PCCA: variants seen among roughly 807,000 people sequenced by gnomAD.
PCCA encodes propionyl-CoA carboxylase alpha chain, mitochondrial.
PCCA carries 74 observed loss-of-function variants against 101.3 expected under a neutral mutation model. The ratio of observed to expected loss-of-function variants is 0.73; its 90% confidence interval spans 0.61 to 0.89. PCCA has a LOEUF of 0.89. Among genes scored for constraint, PCCA ranks in the 40% least tolerant of loss-of-function variants. The pLI is 0.00. For missense variants in PCCA, 891 were observed against 907.0 expected (o/e 0.98, Z 0.23); for synonymous variants, 294 against 313.6 (o/e 0.94, Z 0.66).
chr13:100,527,038 G>A (rs1885857), intron 22 of PCCA, among the ~76,000 whole-genome samples: 47,422 of 152,026 alleles, frequency 0.31, 8,003 homozygotes, highest in South Asian at 0.57. Context: ...TCCTCGTGGC[G>A]CCAGGGCCGA....
intron 6 of PCCA, among the ~76,000 whole-genome samples, chr13:100,207,066 C>A (rs2058901204): frequency 6.6e-6 from 1 of 152,178 alleles, no homozygotes. Context: ...GTACAACTTA[C>A]AATTAAGTAA....
At chr13:100,254,512 T>C (rs532045187) in intron 8 of PCCA, among the ~76,000 whole-genome samples, 1 of 152,296 alleles carries the variant, frequency 6.6e-6, no homozygotes, top group East Asian at 1.9e-4. Flanking sequence ...GAATGCCAAC[T>C]TTTGACTAAA....
intron 19 of PCCA, among the ~76,000 whole-genome samples, chr13:100,380,308 G>T (rs1419387267): frequency 1.3e-5 from 2 of 152,158 alleles, no homozygotes; most frequent in Non-Finnish European, 2.9e-5. Context: ...GTTGCAGTGA[G>T]CTCTGATCAC....
chr13:100,430,706 G>T (rs148252089), intron 20 of PCCA, among the ~76,000 whole-genome samples: 218 of 152,198 alleles, frequency 1.4e-3, no homozygotes, highest in African/African-American at 5.1e-3. Context: ...GTTTCCTCTT[G>T]ACATAGGAGG....
At position 100,515,681 on chromosome 13, in the gene PCCA, G is replaced by C. The variant is rs837285; in HGVS notation, c.2040+114G>C. 0.71 allele frequency: 892,659 copies of C among 1,254,024 alleles called. 321,298 individuals are homozygous for C. The highest frequency in any genetic ancestry group is 0.89 in the South Asian group (73,754 of 83,106). The allele number at this position is 1,254,024 out of a possible 1,614,324, so 77.7% of individuals were successfully genotyped here. On this transcript the variant is annotated intron_variant, in intron 22 of 23. Transcript: ENST00000376285. Reference sequence around the variant, plus strand: ...TCTTTGCAGTTCTTACTTAACCGACGCCCCCTAAACAGCAAAATCGATTGC... The same window carrying C: ...TCTTTGCAGTTCTTACTTAACCGACCCCCCCTAAACAGCAAAATCGATTGC...
chr13:100,411,788 T>C (rs1014393736), intron 19 of PCCA, among the ~76,000 whole-genome samples: 1 of 152,130 alleles, frequency 6.6e-6, no homozygotes, highest in Non-Finnish European at 1.5e-5. Context: ...TGTCTCTTCT[T>C]ATAAGGGCAC....
intron 21 of PCCA, among the ~76,000 whole-genome samples, chr13:100,481,365 C>T (rs941773417): frequency 1.3e-5 from 2 of 152,078 alleles, no homozygotes; most frequent in Admixed American, 1.3e-4. Flanking sequence ...TGAGACTAGC[C>T]TGGGCAACAT....
chr13:100,424,191 T>C lies in PCCA; in HGVS notation c.1747-1442T>C. On this transcript the variant is annotated intron_variant, in intron 19 of 23. Transcript: ENST00000376285. ...TAGGTATTATAATTCAAAGGTATTATAGGTAATCTAGAGATGATTCAATAT... is the reference window on the plus strand; with the variant it reads ...TAGGTATTATAATTCAAAGGTATTACAGGTAATCTAGAGATGATTCAATAT... Among the ~76,000 whole-genome samples the C allele has an allele frequency of 2.0e-5, 3 of 152,312 alleles. No homozygotes were observed. In the Middle Eastern group the frequency reaches 0.01, roughly 518 times the overall value.
At chr13:100,221,697 A>T (rs920770813) in intron 7 of PCCA, among the ~76,000 whole-genome samples, 1 of 151,992 alleles carries the variant, frequency 6.6e-6, no homozygotes, top group Non-Finnish European at 1.5e-5. Flanking sequence ...GTTTCCAGAT[A>T]AGCATTTACA....
chr13:100,203,021 C>T (rs2058622388), intron 6 of PCCA, among the ~76,000 whole-genome samples: 2 of 151,818 alleles, frequency 1.3e-5, no homozygotes. Flanking sequence ...GCTTGTAATC[C>T]CAGCACTTTG....
Position 100,521,437 on chromosome 13 carries a change from C to T in PCCA, c.2040+5870C>T, listed in dbSNP as rs1034170993. Among the ~76,000 whole-genome samples the T allele has an allele frequency of 1.7e-4, 26 of 152,252 alleles. 1 individual carries two copies. Among genetic ancestry groups the T allele is most frequent in the Admixed American group, 6.5e-5 (1 of 15,292 alleles). On this transcript the variant is annotated intron_variant, in intron 22 of 23. Coordinates refer to ENST00000376285, the MANE Select transcript of PCCA (RefSeq NM_000282.4). ...AGCCGGAGAAAGGGCTGGGCGGCGT[C>T]TCCTGCCCGCCTGGTCTGTCTTTGT... is the stretch of plus-strand genomic sequence containing the variant.
intron 16 of PCCA, among the ~76,000 whole-genome samples, chr13:100,320,190 G>A (rs929601891): frequency 6.6e-6 from 1 of 152,118 alleles, no homozygotes; most frequent in Non-Finnish European, 1.5e-5. Context: ...TCCTGAGACT[G>A]CTGAAATTGC....
chr13:100,387,140 G>A (rs2076556594), intron 19 of PCCA, among the ~76,000 whole-genome samples: 3 of 152,146 alleles, frequency 2.0e-5, no homozygotes, highest in Admixed American at 6.6e-5. Context: ...TCTTTGGCTA[G>A]CACTTCCAAC....
At chr13:100,484,848 T>TC (rs1250170170) in intron 21 of PCCA, among the ~76,000 whole-genome samples, 4 of 152,192 alleles carry the variant, frequency 2.6e-5, no homozygotes, top group Non-Finnish European at 5.9e-5. Flanking sequence ...GGTGAGCACC[T>TC]CGGTAGGAGC....
intron 19 of PCCA, among the ~76,000 whole-genome samples, chr13:100,381,672 C>T (rs186930504): frequency 7.5e-4 from 114 of 152,310 alleles, no homozygotes; most frequent in Admixed American, 2.1e-3. Context: ...TTTGCGGGAC[C>T]GCTTTGCCAC....
chr13:100,153,301 T>C (rs2053555834), intron 4 of PCCA, among the ~76,000 whole-genome samples: 1 of 152,146 alleles, frequency 6.6e-6, no homozygotes, highest in African/African-American at 2.4e-5. Context: ...ATGAGATTGT[T>C]GGGTAGATGA....
intron 11 of PCCA, among the ~76,000 whole-genome samples, chr13:100,272,013 C>T (rs905815922): frequency 6.6e-6 from 1 of 152,152 alleles, no homozygotes; most frequent in African/African-American, 2.4e-5. Flanking sequence ...TTTTAATCCA[C>T]AAGTAGAAAA....
At chr13:100,128,431 A>G (rs945749192) in intron 4 of PCCA, among the ~76,000 whole-genome samples, 1 of 152,216 alleles carries the variant, frequency 6.6e-6, no homozygotes, top group Admixed American at 6.5e-5. Context: ...GTATAGAGAA[A>G]TAAAACATAA....
chr13:100,182,278 G>A (rs1230906784), intron 6 of PCCA, among the ~76,000 whole-genome samples: 3 of 151,726 alleles, frequency 2.0e-5, no homozygotes, highest in Admixed American at 2.0e-4. Context: ...TGTATTTTTA[G>A]TAGAGACGGG....
Sources: gnomAD v4.1 joint callset for allele counts (sites outside exome capture counted in the v4.1 genomes callset) on GRCh38, gnomAD v4.1.1 for gene constraint, MANE v1.5 for transcripts, NCBI Gene and HGNC (gene_info 2026-07-23, HGNC 2026-07-21) for gene names.